TDRD5: variants seen among roughly 807,000 people sequenced by gnomAD.
TDRD5 encodes the protein tudor domain containing 5.
TDRD5 carries 41 observed loss-of-function variants against 120.6 expected under a neutral mutation model. That is an observed-to-expected ratio of 0.34 (90% CI 0.26 to 0.44). The LOEUF (loss-of-function observed/expected upper bound fraction) is 0.44. Among genes scored for constraint, TDRD5 ranks in the 20% least tolerant of loss-of-function variants. The probability of loss-of-function intolerance (pLI) is 1.00; values close to 1 mark genes in which losing one functional copy is unlikely to be tolerated. For missense variants in TDRD5, 1,006 were observed against 1,221.2 expected, an observed-to-expected ratio of 0.82 and a Z score of 2.63; for synonymous variants, 430 against 433.7, an observed-to-expected ratio of 0.99 and a Z score of 0.11.
In TDRD5 at chr1:179,650,771, T is replaced by C. The variant is rs952275378; in HGVS notation, c.1801-96T>C. 4.7e-6 allele frequency: 6 copies of C among 1,271,416 alleles called. No homozygotes were observed. The African/African-American group carries it at 8.9e-5, about 19-fold the overall frequency. 78.8% of individuals were successfully genotyped at this position (1,271,416 alleles called of 1,614,324 possible). On this transcript the variant is annotated intron_variant, in intron 11 of 17. Coordinates refer to ENST00000444136, the MANE Select transcript of TDRD5 (RefSeq NM_001199085.3). ...GTACTTTTATGGTTTTATTTCCACT[T>C]AAATCTCTAGTTCATCAGAATTCAT...
At chr1:179,595,868 G>A (rs1675367169) in intron 4 of TDRD5, 50 bp downstream of exon 4, 4 of 1,530,498 alleles carry the variant, frequency 2.6e-6, no homozygotes, top group African/African-American at 1.4e-5. Context: ...TTTAAATTCA[G>A]TGGTGTTAAC....
At chr1:179,681,400 C>G (rs1395522146) in intron 17 of TDRD5, among the ~76,000 whole-genome samples, 1 of 152,132 alleles carries the variant, frequency 6.6e-6, no homozygotes, top group Non-Finnish European at 1.5e-5. Context: ...CATCGTAAAC[C>G]CCACAATCCA....
intron 6 of TDRD5, among the ~76,000 whole-genome samples, chr1:179,624,668 G>A (rs879641091): frequency 6.6e-5 from 10 of 152,022 alleles, no homozygotes; most frequent in Non-Finnish European, 1.3e-4. Flanking sequence ...AAATTACTTG[G>A]AAATAAGTTT....
chr1:179,686,189 T>C (rs1680702519), intron 17 of TDRD5, among the ~76,000 whole-genome samples: 1 of 152,224 alleles, frequency 6.6e-6, no homozygotes, highest in African/African-American at 2.4e-5. Context: ...TTATCATAAA[T>C]AGCTCTTATT....
At chr1:179,637,974 A>G (rs551802982) in intron 9 of TDRD5, among the ~76,000 whole-genome samples, 2 of 152,312 alleles carry the variant, frequency 1.3e-5, no homozygotes, top group East Asian at 3.9e-4. Context: ...AGTGGGTATA[A>G]TCAGGTCCAG....
chr1:179,618,733 T>C, intron 5 of TDRD5, 51 bp downstream of exon 5: 1 of 1,361,426 alleles, frequency 7.3e-7, no homozygotes, highest in Non-Finnish European at 1.0e-6. Flanking sequence ...TATAAATTTA[T>C]ATATCATTTG....
At chr1:179,637,963 G>A (rs116307942) in intron 9 of TDRD5, among the ~76,000 whole-genome samples, 2,015 of 152,296 alleles carry the variant, frequency 0.013, 55 homozygotes, top group African/African-American at 0.045. Flanking sequence ...AGGAGGTTAT[G>A]AGTGGGTATA....
chr1:179,669,492 C>T, intron 17 of TDRD5, 88 bp downstream of exon 17: 1 of 1,381,554 alleles, frequency 7.2e-7, no homozygotes, highest in Non-Finnish European at 1.0e-6. Context: ...TTATCCCTTG[C>T]AAAATATACC....
At chr1:179,656,514 G>T (rs1187701494) in intron 14 of TDRD5, among the ~76,000 whole-genome samples, 4 of 152,090 alleles carry the variant, frequency 2.6e-5, no homozygotes, top group Non-Finnish European at 5.9e-5. Flanking sequence ...TTAGTATAAG[G>T]CATGAAATTT....
intron 8 of TDRD5, among the ~76,000 whole-genome samples, chr1:179,635,142 A>G (rs1677695650): frequency 6.6e-6 from 1 of 151,990 alleles, no homozygotes; most frequent in African/African-American, 2.4e-5. Flanking sequence ...TCTTTCATGG[A>G]AGGAAAAAGT....
In TDRD5 at chr1:179,634,438, G is replaced by A; in HGVS notation, c.1127-19G>A. ...CATTTGAGATGGAGTTGTTTCATCA[G>A]TCGGAAATTTGTGTTTAGTTCAGTC... On this transcript the variant is annotated intron_variant, in intron 7 of 17. Transcript: ENST00000444136. 2 of 1,582,454 alleles carry A rather than the reference G, an allele frequency of 1.3e-6. No individual in the cohort carries two copies. Among genetic ancestry groups the A allele is most frequent in the Non-Finnish European group, 1.7e-6 (2 of 1,170,790 alleles).
rs543639234 is a variant in TDRD5, at chr1:179,663,239, T to C, written c.2506-109T>C. 6.1e-6 allele frequency: 8 copies of C among 1,303,260 alleles called. No homozygotes were observed. The South Asian group carries it at 1.1e-4, about 18-fold the overall frequency. The allele number at this position is 1,303,260 out of a possible 1,614,324, so 80.7% of individuals were successfully genotyped here. The stretch of plus-strand genomic sequence containing the variant: ...CTGATATAGAAAGTTAATAAATACC[T>C]TTTTTAAAAATATGTATTGCTTTCT... On this transcript the variant is annotated intron_variant, in intron 15 of 17. Coordinates refer to ENST00000444136, the MANE Select transcript of TDRD5 (RefSeq NM_001199085.3).
At chr1:179,682,284 G>T (rs1275325428) in intron 17 of TDRD5, among the ~76,000 whole-genome samples, 8 of 151,870 alleles carry the variant, frequency 5.3e-5, no homozygotes. Flanking sequence ...TGGGATACAT[G>T]AGCAGAATGT....
intron 17 of TDRD5, among the ~76,000 whole-genome samples, chr1:179,676,355 G>A (rs951462400): frequency 6.6e-6 from 1 of 152,148 alleles, no homozygotes; most frequent in African/African-American, 2.4e-5. Flanking sequence ...TACATTCAAT[G>A]TTAGTATTGA....
intron 4 of TDRD5, among the ~76,000 whole-genome samples, chr1:179,615,875 A>T (rs970505161): frequency 1.3e-5 from 2 of 151,974 alleles, no homozygotes; most frequent in African/African-American, 4.8e-5. Flanking sequence ...ATGTTCTCTA[A>T]CAGATTACAT....
rs576188894 is a variant in TDRD5, at chr1:179,592,212, C to T, written c.-15+87C>T. On this transcript the variant is annotated intron_variant, in intron 1 of 17. Transcript: ENST00000444136. The stretch of plus-strand genomic sequence containing the variant: ...GGCTTGGGGTGCCAGAGGTGTGCGG[C>T]GGGAGCGCCTTTTTTCGTGGGGCCC... The T allele has an allele frequency of 1.3e-4, 24 of 183,096 alleles. No homozygotes were observed. The South Asian group carries it at 2.8e-3, about 21-fold the overall frequency. 11.3% of individuals were successfully genotyped at this position (183,096 alleles called of 1,614,324 possible).
chr1:179,616,637 C>A (rs1676578585), intron 4 of TDRD5, among the ~76,000 whole-genome samples: 1 of 152,106 alleles, frequency 6.6e-6, no homozygotes, highest in Admixed American at 6.6e-5. Flanking sequence ...GACATTAATC[C>A]ACCTTTCTAG....
At chr1:179,687,396 T>C (rs1680785126) in intron 17 of TDRD5, among the ~76,000 whole-genome samples, 1 of 152,238 alleles carries the variant, frequency 6.6e-6, no homozygotes, top group Non-Finnish European at 1.5e-5. Context: ...GATTGCACTG[T>C]GGTCTGAGGC....
intron 6 of TDRD5, among the ~76,000 whole-genome samples, chr1:179,625,266 C>G (rs920966171): frequency 6.6e-6 from 1 of 151,994 alleles, no homozygotes. Context: ...ATGACCTGGA[C>G]AGGCAAAGCT....
Sources: gnomAD v4.1 joint callset for allele counts (sites outside exome capture counted in the v4.1 genomes callset) on GRCh38, gnomAD v4.1.1 for gene constraint, MANE v1.5 for transcripts, NCBI Gene and HGNC (gene_info 2026-07-23, HGNC 2026-07-21) for gene names.